Variants in IFT56 observed in about 807,000 individuals in gnomAD.
The protein encoded by IFT56 is intraflagellar transport protein 56.
chr7:139,152,678 CG>C, the IFT56 span, among the ~76,000 whole-genome samples: 3 of 152,136 alleles, frequency 2.0e-5, no homozygotes, highest in African/African-American at 7.2e-5. Flanking sequence ...TTCATTCTAA[CG>C]TAGATATGAT....
At chr7:139,184,612 A>G in the IFT56 span, among the ~76,000 whole-genome samples, 242 of 152,316 alleles carry the variant, frequency 1.6e-3, 3 homozygotes, top group Middle Eastern at 0.01. Flanking sequence ...TGGTGATATA[A>G]TAGTTCTGCA....
At chr7:139,160,038 A>G in the IFT56 span, among the ~76,000 whole-genome samples, 3 of 152,204 alleles carry the variant, frequency 2.0e-5, no homozygotes, top group African/African-American at 7.2e-5. Context: ...CTTGAGACCA[A>G]AAAGCTTGAA....
At chr7:139,172,876 G>A in the IFT56 span, 3 of 693,960 alleles carry the variant, frequency 4.3e-6, no homozygotes, top group Admixed American at 3.5e-5. Context: ...CAGAGGAATA[G>A]GTGAAGACAA....
chr7:139,181,005 C>A, the IFT56 span: 11 of 815,022 alleles, frequency 1.3e-5, no homozygotes, highest in South Asian at 1.1e-4. Context: ...AATATAGAAC[C>A]AAATCCATAG....
chr7:139,189,219 G>T, the IFT56 span: 1 of 749,062 alleles, frequency 1.3e-6, no homozygotes, highest in Non-Finnish European at 2.2e-6. Context: ...TACCAAAAAT[G>T]CCCTACAAGA....
At chr7:139,153,067 T>G in the IFT56 span, among the ~76,000 whole-genome samples, 3 of 151,012 alleles carry the variant, frequency 2.0e-5, no homozygotes, top group Non-Finnish European at 4.4e-5. Context: ...GAGAATCGCT[T>G]GAACCCGGGA....
At chr7:139,187,823 A>T in the IFT56 span, among the ~76,000 whole-genome samples, 1 of 151,954 alleles carries the variant, frequency 6.6e-6, no homozygotes, top group Non-Finnish European at 1.5e-5. Flanking sequence ...AGCAGGATGT[A>T]TATTTGGTTC....
the IFT56 span, among the ~76,000 whole-genome samples, chr7:139,158,370 C>G: frequency 6.7e-6 from 1 of 149,956 alleles, no homozygotes; most frequent in South Asian, 2.1e-4. Flanking sequence ...TTTTTTATCT[C>G]AAAGGAAAAG....
chr7:139,134,906 C>A, the IFT56 span: 1 of 1,025,608 alleles, frequency 9.8e-7, no homozygotes, highest in East Asian at 2.6e-5. Context: ...CTGGGGCTTC[C>A]TGTACAAATC....
At chr7:139,164,280 T>A in the IFT56 span, among the ~76,000 whole-genome samples, 2 of 152,170 alleles carry the variant, frequency 1.3e-5, no homozygotes, top group Non-Finnish European at 2.9e-5. Context: ...TTAATCCTCA[T>A]AATAACCTGA....
chr7:139,166,903 A>G, the IFT56 span: 2 of 1,560,886 alleles, frequency 1.3e-6, no homozygotes, highest in South Asian at 1.1e-5. Context: ...CAGGTAACTG[A>G]GAATGTTTTA....
the IFT56 span, among the ~76,000 whole-genome samples, chr7:139,180,024 A>T: frequency 2.4e-4 from 37 of 152,354 alleles, no homozygotes; most frequent in African/African-American, 8.7e-4. Flanking sequence ...AAATGTCAAA[A>T]ATGTAATTTT....
chr7:139,184,820 T>C, the IFT56 span, among the ~76,000 whole-genome samples: 2,325 of 150,246 alleles, frequency 0.015, 38 homozygotes, highest in African/African-American at 0.03. Context: ...TTTGGGAGGC[T>C]GAGGCGGGCG....
the IFT56 span, chr7:139,173,969 A>G: frequency 1.5e-6 from 1 of 665,764 alleles, no homozygotes; most frequent in Non-Finnish European, 2.8e-6. Flanking sequence ...TGCTGCTGCC[A>G]GAGGAACTGC....
At chr7:139,173,455 C>T in the IFT56 span, 1 of 610,320 alleles carries the variant, frequency 1.6e-6, no homozygotes, top group Non-Finnish European at 3.0e-6. Flanking sequence ...TCTCCAACTC[C>T]TGACCTCAGG....
At chr7:139,141,584 G>T in the IFT56 span, among the ~76,000 whole-genome samples, 1 of 152,144 alleles carries the variant, frequency 6.6e-6, no homozygotes, top group East Asian at 1.9e-4. Flanking sequence ...AGGTGATTGT[G>T]GTAGCTATCT....
the IFT56 span, chr7:139,148,324 C>T: frequency 6.2e-7 from 1 of 1,614,012 alleles, no homozygotes; most frequent in South Asian, 1.1e-5. Flanking sequence ...TACCATCGCA[C>T]TCAATCTTAA....
the IFT56 span, among the ~76,000 whole-genome samples, chr7:139,142,998 T>A: frequency 2.0e-5 from 3 of 152,108 alleles, no homozygotes; most frequent in Admixed American, 6.5e-5. Context: ...TTTTCAAATT[T>A]AAAATTTTAA....
At chr7:139,186,734 T>C in the IFT56 span, among the ~76,000 whole-genome samples, 2 of 151,986 alleles carry the variant, frequency 1.3e-5, no homozygotes, top group African/African-American at 4.8e-5. Flanking sequence ...ACTTGAAAAA[T>C]ACTCAGTTCA....
Sources: gnomAD v4.1 joint callset for allele counts (sites outside exome capture counted in the v4.1 genomes callset) on GRCh38, gnomAD v4.1.1 for gene constraint, MANE v1.5 for transcripts, NCBI Gene and HGNC (gene_info 2026-07-23, HGNC 2026-07-21) for gene names.